Variants in CCDC186 observed in about 807,000 individuals in gnomAD.
CCDC186 encodes the protein coiled-coil domain-containing protein 186.
A neutral mutation model predicts 113.7 loss-of-function variants in CCDC186; 49 were observed. The observed-to-expected ratio is 0.43, with a 90% CI of 0.34 to 0.55. CCDC186 has a LOEUF of 0.55. Among genes scored for constraint, CCDC186 ranks in the 20% least tolerant of loss-of-function variants. The pLI is 0.02. For synonymous variants in CCDC186, 355 were observed against 345.8 expected, an observed-to-expected ratio of 1.03 and a Z score of -0.30; for missense variants, 890 against 1,011.1, an observed-to-expected ratio of 0.88 and a Z score of 1.62.
chr10:114,167,820 A>T (rs1413370847), intron 1 of CCDC186, among the ~76,000 whole-genome samples: 3 of 151,124 alleles, frequency 2.0e-5, no homozygotes, highest in Non-Finnish European at 4.4e-5. Flanking sequence ...AAAAAAAAAA[A>T]AAAAAAATTG....
chr10:114,145,339 A>T (rs1035983720), intron 5 of CCDC186, among the ~76,000 whole-genome samples: 7 of 145,932 alleles, frequency 4.8e-5, no homozygotes, highest in African/African-American at 1.8e-4. Context: ...GCCAACACTT[A>T]TTTTTTCCCT....
At chr10:114,137,626 G>A (rs1347656660) in intron 6 of CCDC186, among the ~76,000 whole-genome samples, 1 of 152,190 alleles carries the variant, frequency 6.6e-6, no homozygotes, top group African/African-American at 2.4e-5. Context: ...CTTTTGGCCG[G>A]ACGTGGTGGC....
At chr10:114,153,421 C>T (rs899697700) in intron 3 of CCDC186, among the ~76,000 whole-genome samples, 1 of 151,942 alleles carries the variant, frequency 6.6e-6, no homozygotes, top group Non-Finnish European at 1.5e-5. Flanking sequence ...ACATAATATA[C>T]CACAACTCAG....
chr10:114,125,603 A>G (rs1007539868), intron 15 of CCDC186, among the ~76,000 whole-genome samples: 2 of 152,244 alleles, frequency 1.3e-5, no homozygotes, highest in African/African-American at 4.8e-5. Context: ...ATCTTAAAAA[A>G]TTATTTTAGC....
intron 1 of CCDC186, among the ~76,000 whole-genome samples, chr10:114,171,728 G>A (rs1180813639): frequency 1.3e-5 from 2 of 151,924 alleles, no homozygotes; most frequent in East Asian, 3.8e-4. Flanking sequence ...GTCTACCGTG[G>A]GATTATGTAG....
intron 1 of CCDC186, chr10:114,173,328 C>A (rs12767831): frequency 0.081 from 33,519 of 412,904 alleles, 1,711 homozygotes; most frequent in Middle Eastern, 0.11. Flanking sequence ...CTAAGCAATA[C>A]TCACACCTGC....
chr10:114,149,875 A>G (rs185755539), intron 4 of CCDC186, among the ~76,000 whole-genome samples: 1 of 151,852 alleles, frequency 6.6e-6, no homozygotes, highest in Non-Finnish European at 1.5e-5. Flanking sequence ...GCAGGCAGGC[A>G]GGTTGGCTCA....
intron 6 of CCDC186, among the ~76,000 whole-genome samples, chr10:114,139,184 T>C (rs2031378409): frequency 6.6e-6 from 1 of 151,848 alleles, no homozygotes; most frequent in African/African-American, 2.4e-5. Context: ...AAATACCCAA[T>C]ACTCATCTCC....
rs750163853 is a variant in CCDC186 at position 114,132,223 on chromosome 10, T to C, written c.1656-39A>G. 6 of 1,358,320 alleles carry C rather than the reference T, an allele frequency of 4.4e-6. No homozygotes were observed. The African/African-American group carries it at 8.8e-5, about 20-fold the overall frequency. 84.1% of individuals were successfully genotyped at this position (1,358,320 alleles called of 1,614,324 possible). A position where few individuals can be genotyped will look rare whatever the true frequency, so the allele number is the denominator to read the frequency against. On this transcript the variant is annotated intron_variant, in intron 10 of 15. Transcript: ENST00000369287. ...TTTATATTTAAGAAAAAATAAACCA[T>C]TAAAAGACATTAAATTAATGGTTTG...
At chr10:114,149,087 T>A (rs2031733118) in intron 4 of CCDC186, among the ~76,000 whole-genome samples, 1 of 152,218 alleles carries the variant, frequency 6.6e-6, no homozygotes, top group Non-Finnish European at 1.5e-5. Context: ...ATGAGACAGA[T>A]CTATTAATAA....
rs1412803607 is a variant in CCDC186, at chr10:114,174,164, T to C, written c.-211A>G. On this transcript the variant is annotated 5_prime_UTR_variant, in exon 1 of 16. Coordinates refer to ENST00000369287, the MANE Select transcript of CCDC186 (RefSeq NM_018017.4). ...CAGCCGACGCCTCACTCAGCGGCCG[T>C]TTCCCCAAACCCCTGCGGAGCTGAC... 4.3e-6 allele frequency: 2 copies of C among 466,904 alleles called. No individual in the cohort carries two copies. Among genetic ancestry groups the C allele is most frequent in the South Asian group, 3.1e-5 (2 of 63,930 alleles). The allele number at this position is 466,904 out of a possible 1,614,324, so 28.9% of individuals were successfully genotyped here. A position where few individuals can be genotyped will look rare whatever the true frequency, so the allele number is the denominator to read the frequency against.
intron 1 of CCDC186, among the ~76,000 whole-genome samples, chr10:114,172,639 T>A (rs980650746): frequency 6.6e-6 from 1 of 152,224 alleles, no homozygotes; most frequent in African/African-American, 2.4e-5. Flanking sequence ...GGGAGAATCT[T>A]CAGTAATCAT....
chr10:114,130,211 G>A lies in CCDC186; in HGVS notation c.2102-240C>T, dbSNP rs373591738. 120 of 279,778 alleles carry A rather than the reference G, an allele frequency of 4.3e-4. 1 individual carries two copies. The South Asian group carries it at 7.2e-3, about 17-fold the overall frequency. 17.3% of individuals were successfully genotyped at this position (279,778 alleles called of 1,614,324 possible). On this transcript the variant is annotated intron_variant, in intron 12 of 15. Transcript: ENST00000369287. Reference sequence around the variant, plus strand: ...GACACTGGCATCACTTAATTACAGTGGAGTTAACTTTTTAAAGTATTGAAA... The same window carrying A: ...GACACTGGCATCACTTAATTACAGTAGAGTTAACTTTTTAAAGTATTGAAA...
chr10:114,171,849 T>C (rs1052300065), intron 1 of CCDC186, among the ~76,000 whole-genome samples: 1 of 152,240 alleles, frequency 6.6e-6, no homozygotes, highest in South Asian at 2.1e-4. Flanking sequence ...ATCAAAACTA[T>C]GCTGGTGCTG....
intron 6 of CCDC186, among the ~76,000 whole-genome samples, chr10:114,140,523 A>G (rs2031433399): frequency 6.6e-6 from 1 of 152,238 alleles, no homozygotes; most frequent in Admixed American, 6.5e-5. Flanking sequence ...TATGTCAAAT[A>G]AGCAGCTAAA....
chr10:114,146,997 A>G (rs2031658488), intron 4 of CCDC186, among the ~76,000 whole-genome samples: 1 of 152,214 alleles, frequency 6.6e-6, no homozygotes. Flanking sequence ...TAGTCATACT[A>G]ATTTTCAAAT....
chr10:114,126,226 T>C (rs2030896105), intron 14 of CCDC186, 121 bp from the exon 15 acceptor site: 1 of 714,752 alleles, frequency 1.4e-6, no homozygotes. Context: ...AACCTAACTA[T>C]ATTAGAAAAG....
intron 10 of CCDC186, among the ~76,000 whole-genome samples, chr10:114,132,513 C>T (rs1480412235): frequency 6.6e-6 from 1 of 152,250 alleles, no homozygotes. Context: ...AGTCAGCAAC[C>T]TTTTCCTGTA....
chr10:114,153,256 G>C (rs550535795), intron 3 of CCDC186, among the ~76,000 whole-genome samples: 2 of 152,160 alleles, frequency 1.3e-5, no homozygotes, highest in East Asian at 3.9e-4. Flanking sequence ...ATCATATGAA[G>C]CATATTCTCC....
Sources: gnomAD v4.1 joint callset for allele counts (sites outside exome capture counted in the v4.1 genomes callset) on GRCh38, gnomAD v4.1.1 for gene constraint, MANE v1.5 for transcripts, NCBI Gene and HGNC (gene_info 2026-07-23, HGNC 2026-07-21) for gene names.